DNAH9: variants seen among roughly 807,000 people sequenced by gnomAD.
DNAH9 encodes DNAH9 variant protein.
A neutral mutation model predicts 471.6 loss-of-function variants in DNAH9; 345 were observed. That is an observed-to-expected ratio of 0.73 (90% confidence interval 0.67 to 0.80). The LOEUF is 0.80. Ranked by LOEUF, DNAH9 falls within the 30% of genes least tolerant of loss-of-function variation. The pLI is 0.00. For missense variants in DNAH9, 5,407 were observed against 5,609.2 expected, an observed-to-expected ratio of 0.96 and a Z score of 1.15; for synonymous variants, 2,093 against 2,123.6, an observed-to-expected ratio of 0.99 and a Z score of 0.40.
At chr17:11,651,605 G>A (rs1381450606) in intron 13 of DNAH9, among the ~76,000 whole-genome samples, 1 of 152,032 alleles carries the variant, frequency 6.6e-6, no homozygotes, top group African/African-American at 2.4e-5. Context: ...GCATATATTG[G>A]GTGCTCCATG....
intron 9 of DNAH9, among the ~76,000 whole-genome samples, chr17:11,639,710 A>T (rs1482985320): frequency 6.6e-6 from 1 of 150,944 alleles, no homozygotes; most frequent in East Asian, 1.9e-4. Flanking sequence ...AGAGCGTTTT[A>T]AAAAAACACT....
intron 22 of DNAH9, among the ~76,000 whole-genome samples, chr17:11,698,206 A>AT (rs2074518455): frequency 8.1e-6 from 1 of 123,228 alleles, no homozygotes; most frequent in Non-Finnish European, 1.6e-5. Flanking sequence ...TAATATATTA[A>AT]TAATATAATT....
intron 17 of DNAH9, among the ~76,000 whole-genome samples, chr17:11,672,407 T>C (rs1357207131): frequency 1.3e-5 from 2 of 152,178 alleles, no homozygotes; most frequent in Non-Finnish European, 2.9e-5. Flanking sequence ...CCCTCCCAAG[T>C]GGAGGCTGAC....
At position 11,768,518 on chromosome 17, in the gene DNAH9, T is replaced by G. The variant is rs1164236227; in HGVS notation, c.7236T>G (p.Pro2412=). Residue 2412 remains proline (P), a synonymous_variant, in exon 37 of 69, where the codon CCT becomes CCG. Coordinates refer to ENST00000262442, the MANE Select transcript of DNAH9 (RefSeq NM_001372.4). ...CTGAGTTCAAAACAGTCAAGTTTCC[T>G]TCCCAAGGAACCATCTTTGACTATT... The part of the protein sequence containing the change: ...WLTEFKTVKF[P]SQGTIFDYYI... 1 of 1,614,190 alleles carries G rather than the reference T, an allele frequency of 6.2e-7. No individual in the cohort carries two copies. Among genetic ancestry groups the G allele is most frequent in the East Asian group, 2.2e-5 (1 of 44,880 alleles).
Position 11,781,036 on chromosome 17 carries a change from A to C in DNAH9, c.7580A>C (p.Lys2527Thr), listed in dbSNP as rs760387271. 4.3e-6 allele frequency: 7 copies of C among 1,614,120 alleles called. No individual in the cohort carries two copies. The highest frequency in any genetic ancestry group is 1.1e-5 in the South Asian group (1 of 91,066). Residue 2527 changes from lysine to threonine, a missense_variant, in exon 39 of 69, where the codon AAG becomes ACG. This residue lies in a region of DNAH9 where 4,636 missense variants were observed against 4,900.3 expected (regional missense o/e 0.95). Transcript: ENST00000262442. ...QAVLEKPLEKKAGRNYGPPGN... is the reference protein window; with the variant it reads ...QAVLEKPLEKTAGRNYGPPGN... The stretch of plus-strand genomic sequence containing the variant: ...GTCCTGGAGAAGCCTCTGGAAAAGA[A>C]GGCTGGCAGAAACTATGGCCCTCCA...
At chr17:11,685,801 A>T (rs1597477022) in intron 19 of DNAH9, among the ~76,000 whole-genome samples, 1 of 123,624 alleles carries the variant, frequency 8.1e-6, no homozygotes, top group Admixed American at 9.1e-5. Flanking sequence ...GGATACATTA[A>T]TTTTTTTTTT....
intron 17 of DNAH9, among the ~76,000 whole-genome samples, chr17:11,678,308 G>A (rs116046895): frequency 0.011 from 1,652 of 152,022 alleles, 33 homozygotes; most frequent in African/African-American, 0.038. Flanking sequence ...TATCCGCCTC[G>A]GCCTCCTATT....
At chr17:11,636,951 G>A (rs35822016) in intron 9 of DNAH9, among the ~76,000 whole-genome samples, 167 bp downstream of exon 9, 3,622 of 152,282 alleles carry the variant, frequency 0.024, 43 homozygotes, top group Middle Eastern at 0.1. Context: ...TGACTGGGGA[G>A]CTCTCTGAAC....
chr17:11,805,695 C>T (rs746135881), intron 43 of DNAH9, among the ~76,000 whole-genome samples: 12 of 151,758 alleles, frequency 7.9e-5, no homozygotes, highest in Non-Finnish European at 1.8e-4. Flanking sequence ...GGTGGGATTA[C>T]AAGCACTCAC....
chr17:11,849,391 G>A (rs549468237), intron 49 of DNAH9, among the ~76,000 whole-genome samples: 32 of 152,146 alleles, frequency 2.1e-4, no homozygotes, highest in Non-Finnish European at 4.6e-4. Context: ...ACACACCAGT[G>A]GCTTCCCAGT....
intron 67 of DNAH9, among the ~76,000 whole-genome samples, chr17:11,956,968 T>C (rs1271392213): frequency 1.3e-5 from 2 of 151,634 alleles, no homozygotes; most frequent in African/African-American, 4.8e-5. Context: ...TATAAAACTT[T>C]ATGAAACCAA....
chr17:11,608,349 A>G, intron 2 of DNAH9, 24 bp downstream of exon 2: 5 of 1,559,660 alleles, frequency 3.2e-6, no homozygotes, highest in Non-Finnish European at 4.4e-6. Flanking sequence ...GCCTGGCCAT[A>G]TGGGCCTCTG....
rs759293629 is a variant in DNAH9, at chr17:11,608,118, C to CTTT, written c.418-10_418-9insTTT. 6.4e-7 allele frequency: 1 copy of CTTT among 1,569,386 alleles called. No individual in the cohort carries two copies. Among genetic ancestry groups the CTTT allele is most frequent in the East Asian group, 2.3e-5 (1 of 44,096 alleles). ...ACACCTGCCTTTCTTTCCTGTGCAC[C>CTTT]TCTGTTCCAGGTTGTTCTACCCGTC... On this transcript the variant is annotated splice_polypyrimidine_tract_variant and intron_variant, in intron 1 of 68. Transcript: ENST00000262442.
chr17:11,734,364 C>T (rs1460566731), intron 28 of DNAH9, among the ~76,000 whole-genome samples: 3 of 152,174 alleles, frequency 2.0e-5, no homozygotes, highest in South Asian at 2.1e-4. Flanking sequence ...GTGTCCACCC[C>T]GAAAAGATGT....
intron 38 of DNAH9, among the ~76,000 whole-genome samples, chr17:11,775,595 C>CTT (rs71142246): frequency 0.015 from 891 of 61,018 alleles, 167 homozygotes; most frequent in African/African-American, 0.057. Context: ...ATCAGATGTT[C>CTT]TTTTTTTTTT....
Position 11,962,189 on chromosome 17 carries a change from G to C in DNAH9, c.13166G>C (p.Arg4389Thr). The change falls in exon 68 of 69, where the codon AGG (arginine) becomes ACG (threonine). Residue 4389 changes from arginine (R) to threonine (T), a missense_variant. By Grantham distance (71) the Arg-to-Thr change is moderately conservative. Transcript: ENST00000262442. This position sits in a 1 kb window ranked among gnomAD's most constrained non-coding sequence, Gnocchi z 4.1. ...DMTKKNREEFRSPPREGAYIH... is the reference protein window; with the variant it reads ...DMTKKNREEFTSPPREGAYIH... ...ACGAAGAAGAACAGAGAAGAGTTTAGGAGTCCTCCTCGGGAAGGGGCCTAC... is the reference window on the plus strand; with the variant it reads ...ACGAAGAAGAACAGAGAAGAGTTTACGAGTCCTCCTCGGGAAGGGGCCTAC... 6.2e-7 allele frequency: 1 copy of C among 1,614,110 alleles called. No homozygotes were observed. Among genetic ancestry groups the C allele is most frequent in the Non-Finnish European group, 8.5e-7 (1 of 1,180,012 alleles).
chr17:11,921,479 C>G (rs1567552338), intron 61 of DNAH9, among the ~76,000 whole-genome samples: 1 of 151,922 alleles, frequency 6.6e-6, no homozygotes, highest in Non-Finnish European at 1.5e-5. Context: ...ATATGTAGAG[C>G]TGGAAGGAAA....
intron 28 of DNAH9, among the ~76,000 whole-genome samples, chr17:11,731,185 A>G (rs566362678): frequency 6.6e-6 from 1 of 151,650 alleles, no homozygotes; most frequent in East Asian, 1.9e-4. Flanking sequence ...AATGATGGTG[A>G]TGATGGTGGT....
In DNAH9 at chr17:11,763,487, T is replaced by C. The variant is rs1241317327; in HGVS notation, c.7043T>C (p.Val2348Ala). 9 of 1,614,008 alleles carry C rather than the reference T, an allele frequency of 5.6e-6. No homozygotes were observed. Among genetic ancestry groups the C allele is most frequent in the Non-Finnish European group, 6.8e-6 (8 of 1,179,992 alleles). Residue 2348 changes from valine to alanine, a missense_variant, in exon 36 of 69, where the codon GTG becomes GCG. This residue lies in a region of DNAH9 where 4,636 missense variants were observed against 4,900.3 expected (regional missense o/e 0.95). Coordinates refer to ENST00000262442, the MANE Select transcript of DNAH9 (RefSeq NM_001372.4). ...PIPEQSMVQM[V>A]CHLLECLLTT... is the part of the protein sequence containing the mutation. ...CCAGAGCAGAGCATGGTTCAGATGG[T>C]GTGTCACCTTCTGGAATGTCTCCTG...
Sources: allele counts gnomAD v4.1 joint callset (sites outside exome capture counted in the v4.1 genomes callset), GRCh38; gene constraint gnomAD v4.1.1; regional missense constraint gnomAD v4.1.1; non-coding constraint Gnocchi (gnomAD v3.1); transcripts MANE v1.5; gene names NCBI Gene and HGNC (gene_info 2026-07-23, HGNC 2026-07-21).